Variants in NCAM2 observed in about 807,000 individuals in gnomAD.
The protein encoded by NCAM2 is neural cell adhesion molecule 2.
NCAM2 carries 30 observed loss-of-function variants against 98.1 expected under a neutral mutation model. The observed-to-expected ratio is 0.31, with a 90% confidence interval of 0.23 to 0.41. The LOEUF (loss-of-function observed/expected upper bound fraction) is 0.41, where lower values mean the gene tolerates loss of function less well. Ranked by LOEUF, NCAM2 falls within the 10% of genes least tolerant of loss-of-function variation. The probability of loss-of-function intolerance (pLI) is 1.00; values close to 1 mark genes in which losing one functional copy is unlikely to be tolerated. For missense variants in NCAM2, 867 were observed against 1,005.8 expected (o/e 0.86, Z 1.87); for synonymous variants, 368 against 342.4 (o/e 1.07, Z -0.83).
intron 9 of NCAM2, chr21:21,385,595 G>A (rs1332019215): frequency 7.8e-7 from 1 of 1,276,108 alleles, no homozygotes; most frequent in South Asian, 1.2e-5. Flanking sequence ...AACCTCTTTT[G>A]TGTTTCAGCT....
intron 1 of NCAM2, among the ~76,000 whole-genome samples, chr21:21,266,732 G>C (rs976091795): frequency 6.6e-6 from 1 of 151,936 alleles, no homozygotes; most frequent in Non-Finnish European, 1.5e-5. Flanking sequence ...GGGGTGGGTG[G>C]AGGGGGGAGG....
chr21:21,244,273 A>T (rs529327650), intron 1 of NCAM2, among the ~76,000 whole-genome samples: 2 of 152,274 alleles, frequency 1.3e-5, no homozygotes, highest in African/African-American at 4.8e-5. Flanking sequence ...AGAAAAGAAA[A>T]AAATAGAAGT....
At chr21:21,125,057 ATATACTATTACC>A (rs1350956682) in intron 1 of NCAM2, among the ~76,000 whole-genome samples, 13 of 152,092 alleles carry the variant, frequency 8.5e-5, no homozygotes, top group Non-Finnish European at 1.9e-4. Flanking sequence ...GTTTTATTAC[ATATACTATTACC>A]TATATTCTGT....
At chr21:21,469,628 A>G (rs1984173096) in intron 14 of NCAM2, among the ~76,000 whole-genome samples, 1 of 151,964 alleles carries the variant, frequency 6.6e-6, no homozygotes, top group Non-Finnish European at 1.5e-5. Flanking sequence ...TAATTACTCC[A>G]TAGTAGTGTG....
chr21:21,080,607 A>T (rs2065773049), intron 1 of NCAM2, among the ~76,000 whole-genome samples: 1 of 130,240 alleles, frequency 7.7e-6, no homozygotes, highest in African/African-American at 3.1e-5. Context: ...CAAGAGCAAA[A>T]CTCTGTCAAA....
chr21:21,089,821 G>A (rs1480170433), intron 1 of NCAM2, among the ~76,000 whole-genome samples: 1 of 152,150 alleles, frequency 6.6e-6, no homozygotes. Context: ...TATTTCTTCT[G>A]AGTTTATACG....
At chr21:21,329,500 T>G (rs1601997385) in intron 6 of NCAM2, among the ~76,000 whole-genome samples, 2 of 152,198 alleles carry the variant, frequency 1.3e-5, no homozygotes, top group East Asian at 1.9e-4. Context: ...GGACATATTT[T>G]GTAGAACATA....
At chr21:21,382,814 G>A (rs2148101158) in intron 9 of NCAM2, among the ~76,000 whole-genome samples, 4 of 152,074 alleles carry the variant, frequency 2.6e-5, no homozygotes, top group Middle Eastern at 6.8e-3. Flanking sequence ...ACAGGCGGGA[G>A]CCACTGCGAC....
intron 5 of NCAM2, among the ~76,000 whole-genome samples, chr21:21,296,081 T>C (rs2073468909): frequency 2.6e-5 from 4 of 151,974 alleles, no homozygotes; most frequent in Admixed American, 2.6e-4. Context: ...GTGCTGGCTA[T>C]ATGTTTTACA....
intron 1 of NCAM2, among the ~76,000 whole-genome samples, chr21:21,052,149 C>CTTTTTTTTTTTTT (rs2065121901): frequency 9.1e-6 from 1 of 109,934 alleles, no homozygotes; most frequent in African/African-American, 3.8e-5. Flanking sequence ...TCATGATGGC[C>CTTTTTTTTTTTTT]ATTTTTTTTT....
chr21:21,247,253 A>G (rs922846165), intron 1 of NCAM2, among the ~76,000 whole-genome samples: 2 of 152,106 alleles, frequency 1.3e-5, no homozygotes, highest in African/African-American at 4.8e-5. Flanking sequence ...CGGGAGGCGG[A>G]GCTTGCAGTG....
chr21:21,305,297 G>T (rs372491452), intron 5 of NCAM2, among the ~76,000 whole-genome samples: 4 of 152,012 alleles, frequency 2.6e-5, no homozygotes, highest in Non-Finnish European at 5.9e-5. Flanking sequence ...CAGCCTGGGC[G>T]ATAGAGCAAG....
Position 21,538,115 on chromosome 21 carries a change from C to T in NCAM2, c.*158C>T, listed in dbSNP as rs568755165. On this transcript the variant is annotated 3_prime_UTR_variant, in exon 18 of 18. Transcript: ENST00000400546. ...ATGATCAAATACTCCTGCCCATGAT[C>T]CATTCCCTTTTGTTATTGTTGTTGT... The T allele has an allele frequency of 6.0e-5, 24 of 397,980 alleles. No homozygotes were observed. Among genetic ancestry groups the T allele is most frequent in the African/African-American group, 4.8e-4 (23 of 48,324 alleles). The allele number at this position is 397,980 out of a possible 1,614,324, so 24.7% of individuals were successfully genotyped here.
chr21:21,214,000 C>G (rs1438867498), intron 1 of NCAM2, among the ~76,000 whole-genome samples: 3 of 152,070 alleles, frequency 2.0e-5, no homozygotes, highest in Non-Finnish European at 4.4e-5. Flanking sequence ...CTTTGTGATT[C>G]ATTTTGGAGG....
chr21:21,254,082 A>G (rs768335722), intron 1 of NCAM2, among the ~76,000 whole-genome samples: 2 of 152,250 alleles, frequency 1.3e-5, no homozygotes, highest in Non-Finnish European at 2.9e-5. Flanking sequence ...AAACAAGGGT[A>G]CAATCTCAGG....
At chr21:21,050,305 A>G (rs978935022) in intron 1 of NCAM2, among the ~76,000 whole-genome samples, 35 of 152,182 alleles carry the variant, frequency 2.3e-4, no homozygotes, top group Non-Finnish European at 4.0e-4. Context: ...TAGTTCAAGT[A>G]TGCCAAAACC....
intron 1 of NCAM2, among the ~76,000 whole-genome samples, chr21:21,225,077 C>T (rs1233664890): frequency 1.3e-5 from 2 of 152,002 alleles, no homozygotes; most frequent in African/African-American, 4.8e-5. Flanking sequence ...ACTATGCAGC[C>T]ATGGAAAGGA....
intron 1 of NCAM2, among the ~76,000 whole-genome samples, chr21:21,227,266 A>G (rs1367404721): frequency 6.6e-6 from 1 of 151,896 alleles, no homozygotes. Flanking sequence ...CAGGCAAACT[A>G]TTAAGGTCCA....
chr21:21,250,506 A>G (rs1358982675), intron 1 of NCAM2, among the ~76,000 whole-genome samples: 4 of 152,220 alleles, frequency 2.6e-5, no homozygotes, highest in African/African-American at 9.6e-5. Context: ...AATTATAAAT[A>G]TATGCAACAC....
Sources: gnomAD v4.1 joint callset for allele counts (sites outside exome capture counted in the v4.1 genomes callset) on GRCh38, gnomAD v4.1.1 for gene constraint, MANE v1.5 for transcripts, NCBI Gene and HGNC (gene_info 2026-07-23, HGNC 2026-07-21) for gene names.